The following ATP8A1 variants were observed in gnomAD, a reference collection of about 807,000 sequenced individuals.
ATP8A1 encodes the protein ATPase phospholipid transporting 8A1.
Under a neutral mutation model 177.7 loss-of-function variants are expected in ATP8A1, and 90 were observed. The observed-to-expected ratio is 0.51, with a 90% confidence interval of 0.43 to 0.60. ATP8A1 has a LOEUF of 0.60. Ranked by LOEUF, ATP8A1 falls within the 20% of genes least tolerant of loss-of-function variation. The pLI is 0.00. For missense variants in ATP8A1, 1,072 were observed against 1,392.8 expected (o/e 0.77, Z 3.67); for synonymous variants, 493 against 485.9 (o/e 1.01, Z -0.19).
intron 5 of ATP8A1, 127 bp downstream of exon 5, chr4:42,615,906 T>C: frequency 1.3e-6 from 1 of 797,718 alleles, no homozygotes; most frequent in South Asian, 1.9e-5. Context: ...AAAGCAAAAA[T>C]CAATCTACCC....
chr4:42,508,031 G>A (rs114401641), intron 22 of ATP8A1, among the ~76,000 whole-genome samples: 2,590 of 152,298 alleles, frequency 0.017, 69 homozygotes, highest in African/African-American at 0.058. Flanking sequence ...CCACATTTGT[G>A]TAGGGGAAGA....
chr4:42,612,709 C>G (rs1044356616), intron 5 of ATP8A1, among the ~76,000 whole-genome samples: 7 of 151,948 alleles, frequency 4.6e-5, no homozygotes, highest in Non-Finnish European at 8.8e-5. Context: ...TAGGTCTCAG[C>G]TCCATAATTC....
At chr4:42,654,506 G>A (rs1360855965) in intron 1 of ATP8A1, among the ~76,000 whole-genome samples, 1 of 152,046 alleles carries the variant, frequency 6.6e-6, no homozygotes, top group Non-Finnish European at 1.5e-5. Flanking sequence ...CCTCTCTCAG[G>A]ATCTGTGTCT....
chr4:42,518,856 G>T (rs1288498106), intron 22 of ATP8A1, among the ~76,000 whole-genome samples: 8 of 152,124 alleles, frequency 5.3e-5, no homozygotes, highest in Admixed American at 5.2e-4. Flanking sequence ...AAGAATCTGT[G>T]GTCTGACACG....
At chr4:42,545,264 T>A (rs1013086701) in intron 19 of ATP8A1, among the ~76,000 whole-genome samples, 3 of 152,164 alleles carry the variant, frequency 2.0e-5, no homozygotes, top group African/African-American at 7.2e-5. Context: ...CAGGAATACA[T>A]TTAATTGGGC....
chr4:42,556,252 T>G, intron 15 of ATP8A1: 1 of 380,862 alleles, frequency 2.6e-6, no homozygotes, highest in Non-Finnish European at 4.7e-6. Flanking sequence ...ATGTTTGCAG[T>G]GTAATGAAAA....
At chr4:42,444,077 G>A (rs6855703) in intron 32 of ATP8A1, among the ~76,000 whole-genome samples, 1 of 152,194 alleles carries the variant, frequency 6.6e-6, no homozygotes, top group Non-Finnish European at 1.5e-5. Flanking sequence ...TCTTTCCCAG[G>A]GACATGAAAC....
At chr4:42,615,774 G>C (rs1055036051) in intron 5 of ATP8A1, among the ~76,000 whole-genome samples, 8 of 152,114 alleles carry the variant, frequency 5.3e-5, no homozygotes, top group African/African-American at 1.9e-4. Context: ...AGACTTTATG[G>C]ACTGTATTTG....
intron 25 of ATP8A1, among the ~76,000 whole-genome samples, chr4:42,473,241 T>A (rs1220115168): frequency 6.6e-6 from 1 of 152,208 alleles, no homozygotes; most frequent in African/African-American, 2.4e-5. Context: ...AAAGCAGATC[T>A]CAGGATCTTT....
Position 42,465,016 on chromosome 4 carries a change from T to C in ATP8A1, c.2385A>G (p.Val795=). The C allele has an allele frequency of 1.9e-6, 3 of 1,614,212 alleles. No homozygotes were observed. Among genetic ancestry groups the C allele is most frequent in the Non-Finnish European group, 2.5e-6 (3 of 1,180,020 alleles). ...VEMVKKQVKV[V]TLAIGDGAND... is the part of the protein sequence containing the mutation. ...TTGCTCCATCACCGATTGCAAGCGT[T>C]ACGACTTTGACTTGTTTCTTAACCA... is the stretch of plus-strand genomic sequence containing the variant. The change falls in exon 26 of 37, where the codon GTA becomes GTG. Residue 795 remains valine (V), a synonymous_variant. Coordinates refer to ENST00000381668, the MANE Select transcript of ATP8A1 (RefSeq NM_006095.2).
At chr4:42,584,512 T>C (rs1390566163) in intron 9 of ATP8A1, among the ~76,000 whole-genome samples, 3 of 152,200 alleles carry the variant, frequency 2.0e-5, no homozygotes, top group Admixed American at 2.0e-4. Flanking sequence ...TACTTGACCA[T>C]CAGCAATGTC....
chr4:42,607,860 T>A (rs538388493), intron 5 of ATP8A1, among the ~76,000 whole-genome samples: 2 of 152,246 alleles, frequency 1.3e-5, no homozygotes, highest in Non-Finnish European at 1.5e-5. Context: ...GAGGAGATGA[T>A]TAAAGAAGCC....
At chr4:42,435,561 C>G (rs1715892461) in intron 33 of ATP8A1, among the ~76,000 whole-genome samples, 1 of 150,844 alleles carries the variant, frequency 6.6e-6, no homozygotes, top group African/African-American at 2.4e-5. Context: ...CAAACAAAAA[C>G]TGTGGTGGTT....
At chr4:42,586,563 T>G (rs763870943) in intron 8 of ATP8A1, 87 bp from the exon 9 acceptor site, 350 of 1,296,084 alleles carry the variant, frequency 2.7e-4, no homozygotes, top group Non-Finnish European at 3.6e-4. Flanking sequence ...ATCCAAGTCT[T>G]AAGATCTAAA....
intron 22 of ATP8A1, among the ~76,000 whole-genome samples, chr4:42,507,780 TAAAAAAAAA>T: frequency 0.098 from 1,734 of 17,704 alleles, 67 homozygotes; most frequent in Middle Eastern, 0.27. Context: ...ACAGGCATTC[TAAAAAAAAA>T]AAAAAAAAAA....
intron 33 of ATP8A1, among the ~76,000 whole-genome samples, chr4:42,433,033 A>C (rs1197943500): frequency 1.3e-5 from 2 of 152,174 alleles, no homozygotes; most frequent in Non-Finnish European, 2.9e-5. Context: ...ATATTCTGTA[A>C]TGAAAAGATG....
intron 24 of ATP8A1, among the ~76,000 whole-genome samples, chr4:42,486,777 C>A (rs572652548): frequency 6.6e-6 from 1 of 152,306 alleles, no homozygotes; most frequent in East Asian, 1.9e-4. Flanking sequence ...ACAAATACCA[C>A]TGTGTTACAA....
At chr4:42,483,523 C>A (rs769650926) in intron 25 of ATP8A1, among the ~76,000 whole-genome samples, 1 of 152,098 alleles carries the variant, frequency 6.6e-6, no homozygotes, top group East Asian at 1.9e-4. Flanking sequence ...CTGAGCCGCA[C>A]GTGCACGGCA....
chr4:42,559,305 A>C (rs4550967), intron 15 of ATP8A1, among the ~76,000 whole-genome samples: 41,826 of 152,198 alleles, frequency 0.27, 6,264 homozygotes, highest in East Asian at 0.36. Flanking sequence ...AATTACCAGA[A>C]ATCAATTTAC....
Sources: gnomAD v4.1 joint callset for allele counts (sites outside exome capture counted in the v4.1 genomes callset) on GRCh38, gnomAD v4.1.1 for gene constraint, MANE v1.5 for transcripts, NCBI Gene and HGNC (gene_info 2026-07-23, HGNC 2026-07-21) for gene names.